C10orf67: variants seen among roughly 807,000 people sequenced by gnomAD.
The protein encoded by C10orf67 is chromosome 10 open reading frame 67.
In C10orf67, 60 loss-of-function variants were observed where a neutral mutation model predicts 35.6. The observed-to-expected ratio is 1.68, with a 90% CI of 1.37 to 2.09. The LOEUF (loss-of-function observed/expected upper bound fraction) is 2.09, where lower values mean the gene tolerates loss of function less well. Among genes scored for constraint, C10orf67 ranks in the 30% most tolerant of loss-of-function variants. The probability of loss-of-function intolerance (pLI) is 0.00; values close to 1 mark genes in which losing one functional copy is unlikely to be tolerated. For missense variants in C10orf67, 474 were observed against 330.2 expected (o/e 1.44, Z -3.38); for synonymous variants, 167 against 115.8 (o/e 1.44, Z -2.84).
intron 8 of C10orf67, among the ~76,000 whole-genome samples, chr10:23,281,798 G>A (rs952215155): frequency 6.6e-6 from 1 of 152,010 alleles, no homozygotes; most frequent in Non-Finnish European, 1.5e-5. Flanking sequence ...TTTTACACAA[G>A]ACTCTAGTAA....
intron 4 of C10orf67, among the ~76,000 whole-genome samples, chr10:23,312,973 T>C (rs1564505199): frequency 6.6e-6 from 1 of 152,202 alleles, no homozygotes; most frequent in Non-Finnish European, 1.5e-5. Flanking sequence ...TGGTCTGCCT[T>C]GCAAATTTCA....
At chr10:23,216,564 TC>T (rs1749898105) in intron 15 of C10orf67, among the ~76,000 whole-genome samples, 1 of 152,082 alleles carries the variant, frequency 6.6e-6, no homozygotes, top group South Asian at 2.1e-4. Context: ...AAATTGAAAA[TC>T]TTCTGAATTC....
intron 4 of C10orf67, among the ~76,000 whole-genome samples, chr10:23,314,483 AACAC>A (rs56043614): frequency 0.2 from 27,367 of 135,576 alleles, 2,556 homozygotes; most frequent in South Asian, 0.22. Context: ...ATTAAGTTAA[AACAC>A]ACACACACAC....
At chr10:23,322,767 A>G (rs1358549499) in intron 2 of C10orf67, among the ~76,000 whole-genome samples, 2 of 152,164 alleles carry the variant, frequency 1.3e-5, no homozygotes, top group Non-Finnish European at 2.9e-5. Context: ...TCATCTGTAC[A>G]ACAAACTCCT....
chr10:23,324,213 A>G (rs1845094670), intron 2 of C10orf67, among the ~76,000 whole-genome samples: 1 of 151,382 alleles, frequency 6.6e-6, no homozygotes, highest in Middle Eastern at 3.2e-3. Flanking sequence ...TCCCTTGGGC[A>G]CTGATGTAGA....
intron 13 of C10orf67, among the ~76,000 whole-genome samples, chr10:23,229,359 C>T (rs1831982839): frequency 7.0e-6 from 1 of 143,852 alleles, no homozygotes; most frequent in Non-Finnish European, 1.5e-5. Context: ...CGCATGTTCT[C>T]ACTCATAGAT....
At chr10:23,225,789 G>T (rs1319546286) in intron 13 of C10orf67, among the ~76,000 whole-genome samples, 1 of 152,126 alleles carries the variant, frequency 6.6e-6, no homozygotes, top group African/African-American at 2.4e-5. Flanking sequence ...TTACGTAATG[G>T]TAAAGGGATC....
At chr10:23,216,088 G>A (rs969042045) in intron 15 of C10orf67, among the ~76,000 whole-genome samples, 4 of 152,130 alleles carry the variant, frequency 2.6e-5, no homozygotes, top group African/African-American at 9.7e-5. Context: ...GGAAATTCTA[G>A]CCAGTGCATT....
chr10:23,221,434 T>A (rs893251651), intron 15 of C10orf67, among the ~76,000 whole-genome samples: 1 of 152,168 alleles, frequency 6.6e-6, no homozygotes, highest in Non-Finnish European at 1.5e-5. Context: ...TTAATAGGTA[T>A]TTTTGAATTA....
At chr10:23,337,128 T>C (rs1301322190) in intron 1 of C10orf67, among the ~76,000 whole-genome samples, 4 of 151,962 alleles carry the variant, frequency 2.6e-5, no homozygotes, top group Non-Finnish European at 4.4e-5. Flanking sequence ...CATACTGATA[T>C]GAATGAATGA....
intron 5 of C10orf67, among the ~76,000 whole-genome samples, chr10:23,294,367 GCACACA>G (rs149905993): frequency 6.7e-6 from 1 of 148,622 alleles, no homozygotes; most frequent in East Asian, 2.0e-4. Context: ...ACATGCACAG[GCACACA>G]CACACACACA....
intron 2 of C10orf67, among the ~76,000 whole-genome samples, chr10:23,323,932 T>C (rs1394412979): frequency 1.8e-5 from 1 of 54,606 alleles, no homozygotes; most frequent in Non-Finnish European, 3.6e-5. Flanking sequence ...TATATATATA[T>C]ATATATATAT....
chr10:23,341,737 G>A lies in C10orf67; in HGVS notation c.206+2832C>T, dbSNP rs367612581. ...TCCTTGCTGCTCCTAGGACATCCAGGCACCATCTTTCTACCCAGTGTTCTC... is the reference window on the plus strand; with the variant it reads ...TCCTTGCTGCTCCTAGGACATCCAGACACCATCTTTCTACCCAGTGTTCTC... On this transcript the variant is annotated intron_variant, in intron 1 of 15. Transcript: ENST00000636213. Among the ~76,000 whole-genome samples the A allele has an allele frequency of 5.3e-5, 8 of 152,038 alleles. No individual in the cohort carries two copies. The East Asian group carries it at 9.6e-4, about 18-fold the overall frequency.
At chr10:23,249,853 A>G (rs1029444256) in intron 12 of C10orf67, among the ~76,000 whole-genome samples, 1 of 152,224 alleles carries the variant, frequency 6.6e-6, no homozygotes, top group Admixed American at 6.5e-5. Flanking sequence ...TTATGGCAGA[A>G]CACAACTAAA....
At chr10:23,264,786 C>G (rs1212785296) in intron 10 of C10orf67, among the ~76,000 whole-genome samples, 1 of 152,178 alleles carries the variant, frequency 6.6e-6, no homozygotes. Context: ...GCTGCTCTGC[C>G]CCAGTGGCTG....
intron 12 of C10orf67, among the ~76,000 whole-genome samples, 181 bp from the exon 13 acceptor site, chr10:23,239,997 C>A (rs2132138039): frequency 6.6e-6 from 1 of 152,110 alleles, no homozygotes; most frequent in Middle Eastern, 3.4e-3. Context: ...GTTGCCTGGG[C>A]AAAATGGTGA....
chr10:23,316,097 G>T (rs1035193296), intron 4 of C10orf67, among the ~76,000 whole-genome samples: 22 of 152,228 alleles, frequency 1.4e-4, no homozygotes, highest in Admixed American at 1.2e-3. Flanking sequence ...CGGGCAGGCT[G>T]TGCTCGGCTC....
At position 23,204,000 on chromosome 10, in the gene C10orf67, C is replaced by T; in HGVS notation, c.*173G>A. The T allele has an allele frequency of 2.6e-6, 1 of 381,892 alleles. No individual in the cohort carries two copies. Among genetic ancestry groups the T allele is most frequent in the East Asian group, 3.7e-5 (1 of 26,668 alleles). The allele number at this position is 381,892 out of a possible 1,614,324, so 23.7% of individuals were successfully genotyped here. A position where few individuals can be genotyped will look rare whatever the true frequency, so the allele number is the denominator to read the frequency against. ...TGGAAAGGAGCGCGCACAAGGCGCG[C>T]ATTGAGGTCTATTCGAGCGCAGTGC... On this transcript the variant is annotated 3_prime_UTR_variant, in exon 16 of 16. Transcript: ENST00000636213.
intron 8 of C10orf67, among the ~76,000 whole-genome samples, chr10:23,279,513 A>C (rs1843302465): frequency 6.6e-6 from 1 of 152,372 alleles, no homozygotes; most frequent in South Asian, 2.1e-4. Context: ...CTGTGCCCCC[A>C]GAATGGGGCT....
Sources: gnomAD v4.1 joint callset for allele counts (sites outside exome capture counted in the v4.1 genomes callset) on GRCh38, gnomAD v4.1.1 for gene constraint, MANE v1.5 for transcripts, NCBI Gene and HGNC (gene_info 2026-07-23, HGNC 2026-07-21) for gene names.